Variants in MTUS1 observed in about 807,000 individuals in gnomAD.
The protein encoded by MTUS1 is microtubule associated scaffold protein 1, also known as microtubule-associated tumor suppressor 1.
Under a neutral mutation model 120.8 loss-of-function variants are expected in MTUS1, and 109 were observed. That is an observed-to-expected ratio of 0.90 (90% CI 0.77 to 1.06). The LOEUF (loss-of-function observed/expected upper bound fraction) is 1.06. MTUS1 is among the 50% of genes least tolerant of loss of function. MTUS1 has a pLI of 0.00. For synonymous variants in MTUS1, 737 were observed against 550.5 expected (o/e 1.34, Z -4.74); for missense variants, 2,210 against 1,486.3 (o/e 1.49, Z -8.01).
intron 3 of MTUS1, among the ~76,000 whole-genome samples, chr8:17,735,730 C>G (rs886296239): frequency 1.3e-5 from 2 of 152,270 alleles, no homozygotes; most frequent in African/African-American, 4.8e-5. Flanking sequence ...GTGCTTCGCA[C>G]AGGTCTCCAT....
intron 2 of MTUS1, among the ~76,000 whole-genome samples, chr8:17,744,226 G>C (rs2047555769): frequency 6.6e-6 from 1 of 152,084 alleles, no homozygotes; most frequent in South Asian, 2.1e-4. Flanking sequence ...TCCCTTCCCA[G>C]ATCTTTGGTC....
intron 1 of MTUS1, among the ~76,000 whole-genome samples, chr8:17,783,884 T>A (rs1304746446): frequency 1.3e-5 from 2 of 151,998 alleles, no homozygotes; most frequent in Non-Finnish European, 2.9e-5. Flanking sequence ...CCACTCCAAT[T>A]CCCAAAGACC....
intron 6 of MTUS1, chr8:17,709,090 T>A (rs192091654): frequency 1.3e-5 from 2 of 150,194 alleles, no homozygotes; most frequent in African/African-American, 4.9e-5. Context: ...TGAGCAGACA[T>A]CGCGCCACTG....
At position 17,643,992 on chromosome 8, in the gene MTUS1, C is replaced by T. The variant is rs1203495964; in HGVS notation, c.*1934G>A. The T allele has an allele frequency of 6.6e-6, 1 of 152,202 alleles. No individual in the cohort carries two copies. The highest frequency in any genetic ancestry group is 2.4e-5 in the African/African-American group (1 of 41,450). The allele number at this position is 152,202 out of a possible 1,614,324, so 9.4% of individuals were successfully genotyped here. A position where few individuals can be genotyped will look rare whatever the true frequency, so the allele number is the denominator to read the frequency against. On this transcript the variant is annotated 3_prime_UTR_variant, in exon 15 of 15. Transcript: ENST00000693296. Reference sequence around the variant, plus strand: ...TGTTTCCCATCTTCCCTCCTGTTCTCTCCCATCCTCCAAAGATGTTTTATA... The same window carrying T: ...TGTTTCCCATCTTCCCTCCTGTTCTTTCCCATCCTCCAAAGATGTTTTATA...
intron 1 of MTUS1, among the ~76,000 whole-genome samples, chr8:17,767,578 G>A (rs889788054): frequency 1.3e-5 from 2 of 151,206 alleles, no homozygotes; most frequent in African/African-American, 4.9e-5. Context: ...CACACCTATG[G>A]TCCCAGCTAC....
At chr8:17,737,076 G>A (rs1301516761) in intron 3 of MTUS1, among the ~76,000 whole-genome samples, 1 of 152,146 alleles carries the variant, frequency 6.6e-6, no homozygotes, top group Non-Finnish European at 1.5e-5. Flanking sequence ...GTGGTTTAAT[G>A]AAGAATTCAC....
chr8:17,649,624 G>A (rs1279226641), intron 13 of MTUS1, among the ~76,000 whole-genome samples: 1 of 152,254 alleles, frequency 6.6e-6, no homozygotes, highest in Middle Eastern at 3.4e-3. Flanking sequence ...TCCAAGGACT[G>A]GGTGCTGTTT....
intron 3 of MTUS1, among the ~76,000 whole-genome samples, chr8:17,742,269 G>GTTTTTTTTTTTTTTTTTTTTTTTT (rs1210338239): frequency 3.2e-5 from 3 of 94,900 alleles, no homozygotes; most frequent in African/African-American, 8.6e-5. Context: ...ATGCCCAGCT[G>GTTTTTTTTTTTTTTTTTTTTTTTT]TTTTTTTTTT....
chr8:17,690,354 G>A (rs1816709319), intron 6 of MTUS1, among the ~76,000 whole-genome samples: 1 of 152,184 alleles, frequency 6.6e-6, no homozygotes, highest in African/African-American at 2.4e-5. Flanking sequence ...CTATCAGCCA[G>A]AACGGCTATT....
intron 7 of MTUS1, among the ~76,000 whole-genome samples, chr8:17,680,645 G>A (rs145984466): frequency 3.3e-5 from 5 of 152,244 alleles, no homozygotes; most frequent in African/African-American, 1.2e-4. Flanking sequence ...TCTCTCTGTA[G>A]ATCCAACCCA....
Position 17,654,209 on chromosome 8 carries a change from C to T in MTUS1, c.3214+352G>A, listed in dbSNP as rs186562248. 1.2e-3 allele frequency: 306 copies of T among 265,636 alleles called. 1 individual carries two copies. Among genetic ancestry groups the T allele is most frequent in the Middle Eastern group, 9.7e-3 (8 of 826 alleles). 16.5% of individuals were successfully genotyped at this position (265,636 alleles called of 1,614,324 possible). A position where few individuals can be genotyped will look rare whatever the true frequency, so the allele number is the denominator to read the frequency against. On this transcript the variant is annotated intron_variant, in intron 10 of 14. Transcript: ENST00000693296. ...GCATCGACATTTCACAGCAACACTGCTGTGCAGGAGCACTTGGGGTGGATC... is the reference window on the plus strand; with the variant it reads ...GCATCGACATTTCACAGCAACACTGTTGTGCAGGAGCACTTGGGGTGGATC...
At chr8:17,712,341 A>G (rs1357278417) in intron 6 of MTUS1, among the ~76,000 whole-genome samples, 1 of 151,236 alleles carries the variant, frequency 6.6e-6, no homozygotes, top group African/African-American at 2.4e-5. Context: ...CAATCCATCT[A>G]TCTTTTTTTT....
At chr8:17,666,951 T>A (rs940642483) in intron 8 of MTUS1, among the ~76,000 whole-genome samples, 1 of 152,298 alleles carries the variant, frequency 6.6e-6, no homozygotes, top group African/African-American at 2.4e-5. Context: ...GAACTGAGGA[T>A]CTGCATTTCA....
chr8:17,770,225 CAT>C (rs1254985609), intron 1 of MTUS1, among the ~76,000 whole-genome samples: 11 of 152,114 alleles, frequency 7.2e-5, no homozygotes, highest in Admixed American at 7.2e-4. Context: ...CACTTTTCTG[CAT>C]AATCATCTTA....
rs146385351 is a variant in MTUS1, at chr8:17,790,172, C to A, written c.-155+10889G>T. Among the ~76,000 whole-genome samples, 449 of 152,048 alleles carry A rather than the reference C, an allele frequency of 3.0e-3. 1 individual carries two copies. Among genetic ancestry groups the A allele is most frequent in the Middle Eastern group, 6.8e-3 (2 of 294 alleles). ...GACCATCCTGGCTAACATGGTGAAG[C>A]CCCACCTCTAATAAAAATACAAAAA... On this transcript the variant is annotated intron_variant, in intron 1 of 14. Coordinates refer to ENST00000693296, the MANE Select transcript of MTUS1 (RefSeq NM_001363059.2).
At chr8:17,719,080 G>GAACC (rs958283226) in intron 4 of MTUS1, among the ~76,000 whole-genome samples, 10 of 152,086 alleles carry the variant, frequency 6.6e-5, no homozygotes, top group Non-Finnish European at 1.2e-4. Flanking sequence ...TGAGGTGGGA[G>GAACC]AACTGCTTGA....
chr8:17,719,459 C>G (rs1822978231), intron 4 of MTUS1, among the ~76,000 whole-genome samples: 1 of 152,060 alleles, frequency 6.6e-6, no homozygotes. Flanking sequence ...TCACATATAC[C>G]CTAGAAAAAC....
chr8:17,723,625 A>G (rs1563269698), intron 4 of MTUS1, 47 bp downstream of exon 4: 2 of 1,570,878 alleles, frequency 1.3e-6, no homozygotes, highest in South Asian at 1.1e-5. Flanking sequence ...TTTTTCTTGT[A>G]ATGACTGTTT....
At chr8:17,663,044 A>C (rs955641800) in intron 8 of MTUS1, among the ~76,000 whole-genome samples, 7 of 152,068 alleles carry the variant, frequency 4.6e-5, no homozygotes, top group Non-Finnish European at 7.4e-5. Flanking sequence ...AGTTTAAATC[A>C]TGGATATCTC....
Sources: gnomAD v4.1 joint callset for allele counts (sites outside exome capture counted in the v4.1 genomes callset) on GRCh38, gnomAD v4.1.1 for gene constraint, MANE v1.5 for transcripts, NCBI Gene and HGNC (gene_info 2026-07-23, HGNC 2026-07-21) for gene names.